Variants in ZC2HC1A observed in about 807,000 individuals in gnomAD.
The protein encoded by ZC2HC1A is zinc finger C2HC-type containing 1A.
A neutral mutation model predicts 40.7 loss-of-function variants in ZC2HC1A; 28 were observed. The observed-to-expected ratio is 0.69, with a 90% CI of 0.51 to 0.94. The LOEUF is 0.94. Among genes scored for constraint, ZC2HC1A ranks in the 40% least tolerant of loss-of-function variants. The probability of loss-of-function intolerance (pLI) is 0.00; values close to 1 mark genes in which losing one functional copy is unlikely to be tolerated. For synonymous variants in ZC2HC1A, 129 were observed against 129.2 expected, an observed-to-expected ratio of 1.00 and a Z score of 0.01; for missense variants, 389 against 386.3, an observed-to-expected ratio of 1.01 and a Z score of -0.06.
Position 78,719,343 on chromosome 8 carries a change from A to G in ZC2HC1A, c.*1850A>G, listed in dbSNP as rs1289656120. ...TTTACAGTAGTAAATTAATGTTATA[A>G]TGTACCACATGGAGATGAGTTGGTA... On this transcript the variant is annotated 3_prime_UTR_variant, in exon 9 of 9. Coordinates refer to ENST00000263849, the MANE Select transcript of ZC2HC1A (RefSeq NM_016010.3). The G allele has an allele frequency of 6.6e-6, 1 of 151,726 alleles. No individual in the cohort carries two copies. The highest frequency in any genetic ancestry group is 1.5e-5 in the Non-Finnish European group (1 of 67,662). 9.4% of individuals were successfully genotyped at this position (151,726 alleles called of 1,614,324 possible). A position where few individuals can be genotyped will look rare whatever the true frequency, so the allele number is the denominator to read the frequency against.
intron 7 of ZC2HC1A, 75 bp from the exon 8 acceptor site, chr8:78,715,146 T>A (rs1811059846): frequency 8.7e-6 from 11 of 1,266,600 alleles, no homozygotes; most frequent in Non-Finnish European, 1.2e-5. Context: ...TTCTTTCTAG[T>A]CATGTGAATA....
intron 5 of ZC2HC1A, among the ~76,000 whole-genome samples, chr8:78,690,865 T>G (rs1037951070): frequency 4.6e-5 from 7 of 152,300 alleles, no homozygotes; most frequent in African/African-American, 1.4e-4. Context: ...AATGGAATTT[T>G]ATTTTATTTC....
intron 1 of ZC2HC1A, 22 bp downstream of exon 1, chr8:78,666,186 G>A (rs971533098): frequency 5.1e-6 from 8 of 1,572,428 alleles, no homozygotes; most frequent in South Asian, 3.5e-5. Flanking sequence ...AAGGGATGAG[G>A]GCAGGACGGC....
chr8:78,695,668 A>G (rs1810378058), intron 5 of ZC2HC1A, among the ~76,000 whole-genome samples: 1 of 152,138 alleles, frequency 6.6e-6, no homozygotes, highest in Non-Finnish European at 1.5e-5. Context: ...ATATATATAT[A>G]GTGGCCCAGA....
intron 5 of ZC2HC1A, among the ~76,000 whole-genome samples, chr8:78,691,857 G>A (rs548170412): frequency 1.6e-4 from 24 of 152,082 alleles, no homozygotes; most frequent in Non-Finnish European, 3.2e-4. Context: ...CAGTACTCTT[G>A]ATGTGTATTG....
intron 7 of ZC2HC1A, among the ~76,000 whole-genome samples, chr8:78,703,533 C>T (rs942847654): frequency 2.6e-5 from 2 of 77,942 alleles, no homozygotes; most frequent in Non-Finnish European, 5.4e-5. Context: ...ATGTAATACC[C>T]TTCTTTTTTT....
chr8:78,717,310 G>A lies in ZC2HC1A; in HGVS notation c.813-18G>A. The A allele has an allele frequency of 3.1e-6, 5 of 1,598,016 alleles. No individual in the cohort carries two copies. Among genetic ancestry groups the A allele is most frequent in the African/African-American group, 1.3e-5 (1 of 74,076 alleles). ...CTGATACAAACTTTATCTTTTCATT[G>A]TTTCTTTACTTTTTTAGGCCAGATG... On this transcript the variant is annotated intron_variant, in intron 8 of 8. Transcript: ENST00000263849.
At chr8:78,681,976 A>G (rs1383208033) in intron 3 of ZC2HC1A, among the ~76,000 whole-genome samples, 3 of 148,936 alleles carry the variant, frequency 2.0e-5, no homozygotes, top group Non-Finnish European at 4.4e-5. Context: ...TCCTGGCCTC[A>G]GGTGATTTCT....
At chr8:78,716,370 A>G (rs2953476) in intron 8 of ZC2HC1A, among the ~76,000 whole-genome samples, 120,417 of 151,736 alleles carry the variant, frequency 0.79, 48,029 homozygotes, top group East Asian at 0.91. Flanking sequence ...TGATCCACCC[A>G]CCTTGGCCTC....
rs755827437 is a variant in ZC2HC1A, at chr8:78,675,843, A to C, written c.73A>C (p.Thr25Pro). 5 of 1,611,304 alleles carry C rather than the reference A, an allele frequency of 3.1e-6. No individual in the cohort carries two copies. The African/African-American group carries it at 5.3e-5, about 17-fold the overall frequency. ...ELLPCKICGR[T>P]FFPVALKKHG... ...GTTACCTTGCAAGATTTGTGGAAGA[A>C]CATTCTTTCCAGTAGCATTAGTGAG... is the stretch of plus-strand genomic sequence containing the variant. Residue 25 changes from threonine (T) to proline (P), a missense_variant, in exon 2 of 9, where the codon ACA (threonine) becomes CCA (proline). Transcript: ENST00000263849.
At chr8:78,685,741 T>C (rs1159319916) in intron 3 of ZC2HC1A, 4 of 152,214 alleles carry the variant, frequency 2.6e-5, no homozygotes, top group African/African-American at 9.6e-5. Flanking sequence ...ATATTTCTAA[T>C]CGGTTCAAAA....
chr8:78,672,795 T>C (rs1809471623), intron 1 of ZC2HC1A, among the ~76,000 whole-genome samples: 1 of 152,154 alleles, frequency 6.6e-6, no homozygotes, highest in South Asian at 2.1e-4. Flanking sequence ...TACTTCAAAT[T>C]ACAGTAAGAA....
At chr8:78,692,508 T>C (rs927769814) in intron 5 of ZC2HC1A, among the ~76,000 whole-genome samples, 4 of 152,198 alleles carry the variant, frequency 2.6e-5, no homozygotes, top group Admixed American at 1.3e-4. Context: ...ACATGGTAGG[T>C]AATATATAAC....
rs1288274266 is a variant in ZC2HC1A at position 78,718,389 on chromosome 8, G to T, written c.*896G>T. ...CATGTTTAAAAACATATAATTTTTT[G>T]TATCTGAATTTAGAATAAATCATTT... On this transcript the variant is annotated 3_prime_UTR_variant, in exon 9 of 9. Transcript: ENST00000263849. The T allele has an allele frequency of 1.3e-5, 2 of 151,812 alleles. No homozygotes were observed. The highest frequency in any genetic ancestry group is 2.9e-5 in the Non-Finnish European group (2 of 67,800). 9.4% of individuals were successfully genotyped at this position (151,812 alleles called of 1,614,324 possible).
chr8:78,708,959 C>T (rs1044534834), intron 7 of ZC2HC1A, among the ~76,000 whole-genome samples: 1 of 152,078 alleles, frequency 6.6e-6, no homozygotes, highest in Non-Finnish European at 1.5e-5. Context: ...AGCCACCACG[C>T]CCGGCCAAAA....
rs1442358570 is a variant in ZC2HC1A, at chr8:78,698,516, A to G, written c.704+3A>G. 6.3e-7 allele frequency: 1 copy of G among 1,587,020 alleles called. No individual in the cohort carries two copies. Among genetic ancestry groups the G allele is most frequent in the Non-Finnish European group, 8.6e-7 (1 of 1,160,204 alleles). ...GGGATAGCAGCCCCTCATGCAGGGT[A>G]AGTCTACACTGGATATAATTATTAG... On this transcript the variant is annotated splice_donor_region_variant and intron_variant, in intron 7 of 8. Transcript: ENST00000263849.
intron 3 of ZC2HC1A, 32 bp downstream of exon 3, chr8:78,678,711 T>A: frequency 6.7e-7 from 1 of 1,482,610 alleles, no homozygotes; most frequent in Non-Finnish European, 9.1e-7. Flanking sequence ...CAGTATGAAC[T>A]TTGGTGTTAT....
intron 3 of ZC2HC1A, among the ~76,000 whole-genome samples, chr8:78,684,470 C>A (rs577628641): frequency 6.6e-6 from 1 of 152,254 alleles, no homozygotes; most frequent in South Asian, 2.1e-4. Flanking sequence ...TACCTCCTAC[C>A]GAGTACCCCC....
intron 7 of ZC2HC1A, among the ~76,000 whole-genome samples, chr8:78,701,036 C>T (rs554806772): frequency 3.3e-5 from 5 of 152,238 alleles, no homozygotes; most frequent in African/African-American, 7.2e-5. Context: ...AAGAATGTCA[C>T]TGATAGTTTA....
Sources: gnomAD v4.1 joint callset for allele counts (sites outside exome capture counted in the v4.1 genomes callset) on GRCh38, gnomAD v4.1.1 for gene constraint, MANE v1.5 for transcripts, NCBI Gene and HGNC (gene_info 2026-07-23, HGNC 2026-07-21) for gene names.